The following CUL2 variants were observed in gnomAD, a reference collection of about 807,000 sequenced individuals.
CUL2 encodes the protein cullin-2.
Under a neutral mutation model 110.2 loss-of-function variants are expected in CUL2, and 22 were observed. That is an observed-to-expected ratio of 0.20 (90% CI 0.14 to 0.28). CUL2 has a LOEUF of 0.28. Ranked by LOEUF, CUL2 falls within the 10% of genes least tolerant of loss-of-function variation. The pLI, the probability that CUL2 is intolerant of heterozygous loss-of-function variation, is 1.00. For missense variants in CUL2, 631 were observed against 905.5 expected (o/e 0.70, Z 3.89); for synonymous variants, 279 against 293.2 (o/e 0.95, Z 0.49).
upstream of CUL2, among the ~76,000 whole-genome samples, chr10:35,094,747 A>T (rs2087270728): frequency 6.6e-6 from 1 of 152,158 alleles, no homozygotes; most frequent in African/African-American, 2.4e-5. Context: ...CAAACTCTAC[A>T]GTAGGGAAAT....
intron 1 of CUL2, chr10:35,118,042 A>C (rs896163189): frequency 6.6e-6 from 1 of 152,190 alleles, no homozygotes; most frequent in Non-Finnish European, 1.5e-5. Flanking sequence ...ACATTGACAC[A>C]TCATAATCAT....
At chr10:35,035,379 A>G (rs374118664) in intron 9 of CUL2, 83 bp from the exon 10 acceptor site, 552 of 1,475,352 alleles carry the variant, frequency 3.7e-4, no homozygotes, top group Middle Eastern at 2.3e-3. Context: ...GCAGGAGTAC[A>G]ATATACGGAT....
intron 2 of CUL2, among the ~76,000 whole-genome samples, chr10:35,064,562 T>C (rs2086468303): frequency 6.6e-6 from 1 of 152,232 alleles, no homozygotes; most frequent in Non-Finnish European, 1.5e-5. Flanking sequence ...GGAAAGGAGA[T>C]GCAAAATCAA....
intron 1 of CUL2, among the ~76,000 whole-genome samples, chr10:35,085,755 C>T (rs1222130220): frequency 6.6e-6 from 1 of 150,432 alleles, no homozygotes; most frequent in Non-Finnish European, 1.5e-5. Context: ...TCAATCACAG[C>T]CAGACATTTT....
upstream of CUL2, among the ~76,000 whole-genome samples, chr10:35,092,253 G>A (rs1285841237): frequency 6.6e-6 from 1 of 152,176 alleles, no homozygotes; most frequent in Non-Finnish European, 1.5e-5. Context: ...ACCATGCCTG[G>A]CCTCCTCTGT....
At chr10:35,055,192 G>A (rs1185382331) in intron 4 of CUL2, among the ~76,000 whole-genome samples, 1 of 152,160 alleles carries the variant, frequency 6.6e-6, no homozygotes, top group Admixed American at 6.5e-5. Context: ...GTAGTTTTTA[G>A]GATTCCAGAT....
intron 1 of CUL2, among the ~76,000 whole-genome samples, chr10:35,116,622 T>C (rs1053474540): frequency 6.6e-6 from 1 of 152,074 alleles, no homozygotes; most frequent in Non-Finnish European, 1.5e-5. Context: ...TTTTGGGGGA[T>C]TTAAAAAACA....
intron 1 of CUL2, among the ~76,000 whole-genome samples, chr10:35,108,027 A>T (rs1430374709): frequency 6.6e-6 from 1 of 152,092 alleles, no homozygotes; most frequent in Non-Finnish European, 1.5e-5. Flanking sequence ...TATTTAGGCA[A>T]GGGAAGAGTT....
Position 35,031,462 on chromosome 10 carries a change from C to A in CUL2, c.1299+29G>T. 6.2e-7 allele frequency: 1 copy of A among 1,602,858 alleles called. No individual in the cohort carries two copies. The highest frequency in any genetic ancestry group is 8.5e-7 in the Non-Finnish European group (1 of 1,173,250). On this transcript the variant is annotated intron_variant, in intron 13 of 20. Coordinates refer to ENST00000374749, the MANE Select transcript of CUL2 (RefSeq NM_003591.4). The surrounding 1 kb of genome is among the most constrained non-coding windows in gnomAD (Gnocchi z 4.4). The stretch of plus-strand genomic sequence containing the variant: ...TTCAGAAATAAAGTTGACCAAAATA[C>A]AAATGAAACTTTTCTGTTCACAACA...
intron 1 of CUL2, among the ~76,000 whole-genome samples, chr10:35,115,258 A>G (rs1298334333): frequency 6.6e-6 from 1 of 150,566 alleles, no homozygotes; most frequent in Non-Finnish European, 1.5e-5. Flanking sequence ...TAAAAATAAA[A>G]TGGAGCACAA....
chr10:35,086,200 A>AG (rs2087061185), intron 1 of CUL2, among the ~76,000 whole-genome samples: 1 of 151,854 alleles, frequency 6.6e-6, no homozygotes, highest in African/African-American at 2.4e-5. Flanking sequence ...AAAAAAAAAA[A>AG]GAAACAAGAA....
intron 6 of CUL2, among the ~76,000 whole-genome samples, chr10:35,047,395 G>A (rs1405011390): frequency 6.6e-6 from 1 of 151,724 alleles, no homozygotes; most frequent in Non-Finnish European, 1.5e-5. Flanking sequence ...TGGATCACGA[G>A]GTCAGGAGAT....
chr10:35,038,108 C>G (rs1226543616), intron 9 of CUL2, among the ~76,000 whole-genome samples: 2 of 152,042 alleles, frequency 1.3e-5, no homozygotes, highest in African/African-American at 4.8e-5. Flanking sequence ...CAAGATCATG[C>G]CATTGCACTC....
intron 1 of CUL2, among the ~76,000 whole-genome samples, chr10:35,075,635 A>AACACACACACACACACAC (rs34714483): frequency 7.1e-6 from 1 of 140,894 alleles, no homozygotes; most frequent in Non-Finnish European, 1.5e-5. Flanking sequence ...TGGGCCCTAA[A>AACACACACACACACACAC]ACACACACAC....
intron 17 of CUL2, among the ~76,000 whole-genome samples, chr10:35,018,501 C>T (rs1360183554): frequency 1.3e-5 from 2 of 151,942 alleles, no homozygotes; most frequent in African/African-American, 4.8e-5. Flanking sequence ...CAGTGGCTCA[C>T]GCCTGTAATC....
At position 35,102,229 on chromosome 10, in the gene CUL2, C is replaced by A. The variant is rs562014028; in HGVS notation, c.-50-1169G>T. ...CAGCCTGGGTGACAGAGCGAGACTC[C>A]ATCTCAAAAAACAATAATAATAACA... On this transcript the variant is annotated intron_variant, in intron 1 of 5. Coordinates refer to the CUL2 transcript ENST00000685421. Among the ~76,000 whole-genome samples, 18 of 150,186 alleles carry A rather than the reference C, an allele frequency of 1.2e-4. 1 individual carries two copies. In the Admixed American group the frequency reaches 1.2e-3, roughly 10 times the overall value.
intron 1 of CUL2, among the ~76,000 whole-genome samples, chr10:35,107,754 C>T (rs1361970936): frequency 4.0e-5 from 6 of 151,558 alleles, no homozygotes; most frequent in East Asian, 2.0e-4. Context: ...TGGTGGCAGG[C>T]GCTTGTGGTC....
rs1158482199 is a variant in CUL2, at chr10:35,065,187, T to C, written c.120-2125A>G. Among the ~76,000 whole-genome samples the C allele has an allele frequency of 2.0e-5, 3 of 152,112 alleles. 1 individual carries two copies. Among genetic ancestry groups the C allele is most frequent in the African/African-American group, 4.8e-5 (2 of 41,418 alleles). ...CCCTTATGAAGAACACCTACGAAAATGAGATTTTCAACCTCCAACACTCAG... is the reference window on the plus strand; with the variant it reads ...CCCTTATGAAGAACACCTACGAAAACGAGATTTTCAACCTCCAACACTCAG... On this transcript the variant is annotated intron_variant, in intron 2 of 20. Transcript: ENST00000374749.
chr10:35,044,904 T>C, intron 6 of CUL2, 36 bp from the exon 7 acceptor site: 1 of 1,503,458 alleles, frequency 6.7e-7, no homozygotes, highest in South Asian at 1.2e-5. Context: ...TTCTTGAGAA[T>C]ACAAATTATC....
Sources: allele counts gnomAD v4.1 joint callset (sites outside exome capture counted in the v4.1 genomes callset), GRCh38; gene constraint gnomAD v4.1.1; non-coding constraint Gnocchi (gnomAD v3.1); transcripts MANE v1.5; gene names NCBI Gene and HGNC (gene_info 2026-07-23, HGNC 2026-07-21).